Variants in MICAL3 observed in about 807,000 individuals in gnomAD.
The protein encoded by MICAL3 is [F-actin]-monooxygenase MICAL3.
A neutral mutation model predicts 207.4 loss-of-function variants in MICAL3; 62 were observed. That is an observed-to-expected ratio of 0.30 (90% confidence interval 0.24 to 0.37). The LOEUF is 0.37. Ranked by LOEUF, MICAL3 falls within the 10% of genes least tolerant of loss-of-function variation. The pLI, the probability that MICAL3 is intolerant of heterozygous loss-of-function variation, is 1.00. For missense variants in MICAL3, 2,368 were observed against 2,635.6 expected (o/e 0.90, Z 2.22); for synonymous variants, 1,077 against 1,069.3 (o/e 1.01, Z -0.14).
intron 16 of MICAL3, chr22:17,876,721 T>A (rs201848206): frequency 0.017 from 2,195 of 128,396 alleles, 19 homozygotes; most frequent in East Asian, 0.02. Flanking sequence ...AGGGAGGTTA[T>A]GGAGGTTAGG....
chr22:17,919,469 GACC>G (rs138716334), intron 1 of MICAL3, among the ~76,000 whole-genome samples: 3 of 152,318 alleles, frequency 2.0e-5, no homozygotes, highest in African/African-American at 7.2e-5. Context: ...ACAGTCCCTG[GACC>G]ACAACAGGTG....
At chr22:18,013,819 GAAAC>G (rs1923891517) in intron 1 of MICAL3, among the ~76,000 whole-genome samples, 3 of 151,926 alleles carry the variant, frequency 2.0e-5, no homozygotes, top group South Asian at 4.1e-4. Context: ...TTTAAAAAGA[GAAAC>G]AAGGTCTTGC....
chr22:17,891,406 G>C (rs994053190), intron 12 of MICAL3, 79 bp downstream of exon 12: 7 of 1,370,468 alleles, frequency 5.1e-6, no homozygotes, highest in Admixed American at 1.8e-5. Flanking sequence ...TAGGAAAAAG[G>C]ACAAAATGTT....
intron 1 of MICAL3, among the ~76,000 whole-genome samples, chr22:17,955,038 A>G (rs948096761): frequency 1.3e-5 from 2 of 152,014 alleles, no homozygotes; most frequent in African/African-American, 4.8e-5. Flanking sequence ...GTCTTTTTTT[A>G]ACTACTTACT....
Position 17,864,610 on chromosome 22 carries a change from G to A in MICAL3, c.2605+289C>T, listed in dbSNP as rs763942698. 6 of 1,538,098 alleles carry A rather than the reference G, an allele frequency of 3.9e-6. No individual in the cohort carries two copies. The Admixed American group carries it at 1.1e-4, about 29-fold the overall frequency. On this transcript the variant is annotated intron_variant, in intron 19 of 31. Coordinates refer to ENST00000441493, the MANE Select transcript of MICAL3 (RefSeq NM_015241.3). ...AGGTGTGATGGTGCGGGACGGGGCT[G>A]AGGGACAGCACTTCACGGCTCTGCC...
intron 27 of MICAL3, chr22:17,813,371 C>T (rs1253036761): frequency 1.3e-5 from 2 of 152,214 alleles, no homozygotes; most frequent in African/African-American, 2.4e-5. Flanking sequence ...CAACCACAGC[C>T]GCGCTCCCTG....
At chr22:17,936,888 A>G (rs1038268958) in intron 1 of MICAL3, among the ~76,000 whole-genome samples, 1 of 152,202 alleles carries the variant, frequency 6.6e-6, no homozygotes, top group Non-Finnish European at 1.5e-5. Context: ...AGGGAACAGC[A>G]CGTGCTTGGT....
chr22:17,970,746 T>C lies in MICAL3; in HGVS notation c.-75+53535A>G, dbSNP rs542097825. Reference sequence around the variant, plus strand: ...GCTAAGTCTGTCTTTCCAAGCCATTTAATTGAGCAGCATTTTTTTTTAATG... The same window carrying C: ...GCTAAGTCTGTCTTTCCAAGCCATTCAATTGAGCAGCATTTTTTTTTAATG... On this transcript the variant is annotated intron_variant, in intron 1 of 31. Transcript: ENST00000441493. 3.5e-3 allele frequency among the ~76,000 whole-genome samples: 529 copies of C among 152,264 alleles called. 5 individuals carry two copies. The highest frequency in any genetic ancestry group is 5.6e-3 in the Non-Finnish European group (382 of 68,018).
At chr22:17,819,208 T>G (rs748640618) in intron 25 of MICAL3, 79 bp from the exon 26 acceptor site, 7 of 1,369,042 alleles carry the variant, frequency 5.1e-6, no homozygotes, top group Non-Finnish European at 6.7e-6. Flanking sequence ...GCCTTCTCAC[T>G]CAAAGTGCCT....
intron 1 of MICAL3, among the ~76,000 whole-genome samples, chr22:17,976,955 C>T (rs955171477): frequency 2.0e-5 from 3 of 151,920 alleles, no homozygotes; most frequent in African/African-American, 4.8e-5. Flanking sequence ...TACAGGCGCC[C>T]GCCACCATGC....
Position 17,841,026 on chromosome 22 carries a change from C to T in MICAL3, c.2801+796G>A, listed in dbSNP as rs918183242. On this transcript the variant is annotated intron_variant, in intron 20 of 31. Transcript: ENST00000441493. This position sits in a 1 kb window ranked among gnomAD's most constrained non-coding sequence, Gnocchi z 4.2. ...ACCTTAAAAAAACTGCTCTGCTCTCCTTATCCCCACATGTTCCCTTCATCA... is the reference window on the plus strand; with the variant it reads ...ACCTTAAAAAAACTGCTCTGCTCTCTTTATCCCCACATGTTCCCTTCATCA... 2 of 152,230 alleles carry T rather than the reference C, an allele frequency of 1.3e-5. No individual in the cohort carries two copies. The highest frequency in any genetic ancestry group is 4.8e-5 in the African/African-American group (2 of 41,390). The allele number at this position is 152,230 out of a possible 1,614,324, so 9.4% of individuals were successfully genotyped here. A position where few individuals can be genotyped will look rare whatever the true frequency, so the allele number is the denominator to read the frequency against.
At chr22:18,023,410 G>T (rs2146522222) in intron 1 of MICAL3, among the ~76,000 whole-genome samples, 1 of 151,174 alleles carries the variant, frequency 6.6e-6, no homozygotes, top group South Asian at 2.1e-4. Flanking sequence ...CCTACAGCTT[G>T]TCTCGGTTTC....
chr22:17,793,648 G>A lies in MICAL3; in HGVS notation c.5651-2347C>T, dbSNP rs2061847853. 6.6e-6 allele frequency: 1 copy of A among 152,390 alleles called. No homozygotes were observed. The highest frequency in any genetic ancestry group is 2.4e-5 in the African/African-American group (1 of 41,460). The allele number at this position is 152,390 out of a possible 1,614,324, so 9.4% of individuals were successfully genotyped here. ...GAGAGAAAGAAAGAGAGAGAGGTAG[G>A]TGGGTTCTGGCTCTGTGTTTGACTA... is the stretch of plus-strand genomic sequence containing the variant. On this transcript the variant is annotated intron_variant, in intron 29 of 31. Transcript: ENST00000441493. The surrounding 1 kb of genome is among the most constrained non-coding windows in gnomAD (Gnocchi z 4.1).
chr22:17,930,048 A>C (rs1266699647), intron 1 of MICAL3, among the ~76,000 whole-genome samples: 1 of 152,242 alleles, frequency 6.6e-6, no homozygotes, highest in East Asian at 1.9e-4. Context: ...GGACACTCAA[A>C]TCACCAAGGC....
At chr22:17,853,611 C>G (rs1925569958) in intron 19 of MICAL3, among the ~76,000 whole-genome samples, 1 of 152,224 alleles carries the variant, frequency 6.6e-6, no homozygotes, top group Non-Finnish European at 1.5e-5. Flanking sequence ...GACAGAGGAG[C>G]AGGTAGCATT....
chr22:17,803,425 G>C (rs1278993992), intron 29 of MICAL3: 2 of 152,148 alleles, frequency 1.3e-5, no homozygotes, highest in Non-Finnish European at 2.9e-5. Flanking sequence ...CTTTGCGTAA[G>C]TGTGGCAGGC....
At chr22:17,968,209 C>T (rs145459933) in intron 1 of MICAL3, among the ~76,000 whole-genome samples, 2 of 152,154 alleles carry the variant, frequency 1.3e-5, no homozygotes, top group South Asian at 2.1e-4. Context: ...GAGGAAATGG[C>T]GAGAATTCAC....
Position 17,847,262 on chromosome 22 carries a change from C to G in MICAL3, c.2606-5245G>C, listed in dbSNP as rs566750661. 1.0e-3 allele frequency among the ~76,000 whole-genome samples: 159 copies of G among 152,360 alleles called. No homozygotes were observed. The South Asian group carries it at 0.013, about 12-fold the overall frequency. Reference sequence around the variant, plus strand: ...AGGATGTCAAGGGCCTCTTCTGCCTCTTTCTGGCCTGTCCTCCCACTTCTT... The same window carrying G: ...AGGATGTCAAGGGCCTCTTCTGCCTGTTTCTGGCCTGTCCTCCCACTTCTT... On this transcript the variant is annotated intron_variant, in intron 19 of 31. Coordinates refer to ENST00000441493, the MANE Select transcript of MICAL3 (RefSeq NM_015241.3).
chr22:17,888,239 T>C (rs1179724690), intron 13 of MICAL3, among the ~76,000 whole-genome samples: 1 of 152,192 alleles, frequency 6.6e-6, no homozygotes, highest in Non-Finnish European at 1.5e-5. Flanking sequence ...TTGAGTAACT[T>C]GCCTAAGGCC....
Sources: gnomAD v4.1 joint callset for allele counts (sites outside exome capture counted in the v4.1 genomes callset) on GRCh38, gnomAD v4.1.1 for gene constraint, Gnocchi (gnomAD v3.1) non-coding constraint, MANE v1.5 for transcripts, NCBI Gene and HGNC (gene_info 2026-07-23, HGNC 2026-07-21) for gene names.